XDH: variants seen among roughly 807,000 people sequenced by gnomAD.
XDH encodes the protein xanthine dehydrogenase.
In XDH, 138 loss-of-function variants were observed where a neutral mutation model predicts 156.1. The ratio of observed to expected loss-of-function variants is 0.88; its 90% CI spans 0.77 to 1.02. XDH has a LOEUF of 1.02. XDH is among the 50% of genes least tolerant of loss of function. XDH has a pLI of 0.00. For synonymous variants in XDH, 669 were observed against 625.7 expected (o/e 1.07, Z -1.03); for missense variants, 1,849 against 1,684.9 (o/e 1.10, Z -1.71).
intron 29 of XDH, among the ~76,000 whole-genome samples, chr2:31,347,072 A>G (rs1165609787): frequency 1.3e-5 from 2 of 152,158 alleles, no homozygotes; most frequent in African/African-American, 2.4e-5. Flanking sequence ...TCCTGACTCA[A>G]TTCTTAGGCT....
At chr2:31,367,911 T>C (rs1253995009) in intron 20 of XDH, 50 bp downstream of exon 20, 2 of 1,575,628 alleles carry the variant, frequency 1.3e-6, no homozygotes, top group Non-Finnish European at 1.7e-6. Flanking sequence ...TTGAATTTAA[T>C]TTGCAAACCA....
At chr2:31,406,112 G>A in intron 1 of XDH, 148 bp from the exon 2 acceptor site, 1 of 911,812 alleles carries the variant, frequency 1.1e-6, no homozygotes, top group Non-Finnish European at 1.7e-6. Flanking sequence ...TAAATCTCAT[G>A]TTTAATTGTA....
chr2:31,377,635 G>A (rs991658641), intron 13 of XDH, among the ~76,000 whole-genome samples: 1 of 152,038 alleles, frequency 6.6e-6, no homozygotes, highest in African/African-American at 2.4e-5. Flanking sequence ...GCCTCTCTGG[G>A]GACTGAGGCT....
chr2:31,359,308 T>C (rs960976224), intron 24 of XDH, among the ~76,000 whole-genome samples: 7 of 152,000 alleles, frequency 4.6e-5, no homozygotes, highest in African/African-American at 1.7e-4. Context: ...TTGGAAGGGC[T>C]GTTTGACAAA....
At chr2:31,363,897 C>A (rs1300029935) in intron 24 of XDH, among the ~76,000 whole-genome samples, 1 of 152,150 alleles carries the variant, frequency 6.6e-6, no homozygotes. Context: ...AATGCCACCA[C>A]ACTATACATA....
chr2:31,388,318 C>A (rs758691007), intron 6 of XDH, 23 bp from the exon 7 acceptor site: 16 of 1,611,858 alleles, frequency 9.9e-6, no homozygotes, highest in Non-Finnish European at 8.5e-7. Flanking sequence ...TGAACATCTG[C>A]ACAAGGGTAT....
chr2:31,387,780 C>T lies in XDH; in HGVS notation c.651+31G>A, dbSNP rs45557040. 32,943 of 1,555,924 alleles carry T rather than the reference C, an allele frequency of 0.021. 409 individuals carry two copies. The highest frequency in any genetic ancestry group is 0.024 in the Non-Finnish European group (27,684 of 1,147,328). On this transcript the variant is annotated intron_variant, in intron 8 of 35. Transcript: ENST00000379416. ...TTTCCAGGGACTCACAGTACAGACCCGGCTGGATCTGTCCCTGAGGCATCA... is the reference window on the plus strand; with the variant it reads ...TTTCCAGGGACTCACAGTACAGACCTGGCTGGATCTGTCCCTGAGGCATCA...
intron 6 of XDH, among the ~76,000 whole-genome samples, chr2:31,394,793 A>G (rs1023717075): frequency 6.6e-6 from 1 of 152,074 alleles, no homozygotes; most frequent in Non-Finnish European, 1.5e-5. Context: ...AAGCTCAGAG[A>G]TTCTTTTCTC....
chr2:31,383,792 C>A lies in XDH; in HGVS notation c.849G>T (p.Trp283Cys). Residue 283 changes from tryptophan (W) to cysteine (C), a missense_variant, in exon 10 of 36, where the codon TGG becomes TGT. Coordinates refer to ENST00000379416, the MANE Select transcript of XDH (RefSeq NM_000379.4). ...GTTCTACCGAATTCAGCTCAGGGATCCAGGCTGGGCAGACAATCATAGGAA... is the reference window on the plus strand; with the variant it reads ...GTTCTACCGAATTCAGCTCAGGGATACAGGCTGGGCAGACAATCATAGGAA... ...MLFPMIVCPA[W>C]IPELNSVEHG... 2.5e-6 allele frequency: 4 copies of A among 1,614,160 alleles called. No homozygotes were observed. Among genetic ancestry groups the A allele is most frequent in the Non-Finnish European group, 2.5e-6 (3 of 1,180,030 alleles).
chr2:31,404,256 T>G (rs1429091956), intron 2 of XDH, among the ~76,000 whole-genome samples: 3 of 152,064 alleles, frequency 2.0e-5, no homozygotes, highest in African/African-American at 7.2e-5. Context: ...TGTGTCCTAG[T>G]CAGGATATAT....
At position 31,349,875 on chromosome 2, in the gene XDH, A is replaced by G. The variant is rs1248270834; in HGVS notation, c.2824-44T>C. The G allele has an allele frequency of 3.7e-6, 6 of 1,612,498 alleles. No homozygotes were observed. In the African/African-American group the frequency reaches 6.7e-5, roughly 18 times the overall value. ...ACAGAGGCCTTGTTGGCGGCAAGAG[A>G]CTGTGGGGGCAGGGCACAACCTAAA... is the stretch of plus-strand genomic sequence containing the variant. On this transcript the variant is annotated intron_variant, in intron 25 of 35. Coordinates refer to ENST00000379416, the MANE Select transcript of XDH (RefSeq NM_000379.4).
At position 31,414,706 on chromosome 2, in the gene XDH, C is replaced by T. The variant is rs1237766413; in HGVS notation, c.-40G>A. 3.7e-6 allele frequency: 6 copies of T among 1,613,246 alleles called. No individual in the cohort carries two copies. Among genetic ancestry groups the T allele is most frequent in the Non-Finnish European group, 5.1e-6 (6 of 1,179,324 alleles). On this transcript the variant is annotated 5_prime_UTR_variant, in exon 1 of 36. Transcript: ENST00000379416. Reference sequence around the variant, plus strand: ...GTCCCCGAACTCCAGGTACCTCACTCCTAAGAGACACTGGCAGGTAGTTAT... The same window carrying T: ...GTCCCCGAACTCCAGGTACCTCACTTCTAAGAGACACTGGCAGGTAGTTAT...
intron 1 of XDH, among the ~76,000 whole-genome samples, chr2:31,409,984 C>G (rs998214774): frequency 6.6e-6 from 1 of 152,084 alleles, no homozygotes. Flanking sequence ...GTGAAAGCAA[C>G]CAAAATGTCC....
chr2:31,383,246 C>T, intron 10 of XDH, 94 bp from the exon 11 acceptor site: 1 of 1,588,138 alleles, frequency 6.3e-7, no homozygotes, highest in Non-Finnish European at 8.6e-7. Flanking sequence ...GCAACTGGAG[C>T]AAGGCTGAAT....
Position 31,350,078 on chromosome 2 carries a change from C to T in XDH, c.2777G>A (p.Cys926Tyr). Residue 926 changes from cysteine to tyrosine, a missense_variant, in exon 25 of 36, where the codon TGC becomes TAC. By Grantham distance (194) the Cys-to-Tyr change is radical. Coordinates refer to ENST00000379416, the MANE Select transcript of XDH (RefSeq NM_000379.4). Reference sequence around the variant, plus strand: ...GGTCACTGCAACTTCACTCATCCAGCACTCGGCAATGAGCATCCCCTGGGG... The same window carrying T: ...GGTCACTGCAACTTCACTCATCCAGTACTCGGCAATGAGCATCCCCTGGGG... ...GGPQGMLIAE[C>Y]WMSEVAVTCG... is the part of the protein sequence containing the mutation. 2 of 1,614,234 alleles carry T rather than the reference C, an allele frequency of 1.2e-6. No individual in the cohort carries two copies. The highest frequency in any genetic ancestry group is 1.1e-5 in the South Asian group (1 of 91,084).
At chr2:31,386,199 G>A (rs1227527752) in intron 9 of XDH, among the ~76,000 whole-genome samples, 1 of 152,194 alleles carries the variant, frequency 6.6e-6, no homozygotes, top group Non-Finnish European at 1.5e-5. Context: ...CACACATCCA[G>A]CAAGGGGCTG....
chr2:31,367,470 A>AG (rs765846809), intron 20 of XDH, among the ~76,000 whole-genome samples: 8 of 152,136 alleles, frequency 5.3e-5, no homozygotes, highest in Non-Finnish European at 1.0e-4. Context: ...AATGTAAAAA[A>AG]CAGTTCCAAA....
intron 24 of XDH, among the ~76,000 whole-genome samples, chr2:31,354,120 T>C (rs1685563953): frequency 1.3e-5 from 2 of 152,206 alleles, no homozygotes; most frequent in Admixed American, 1.3e-4. Flanking sequence ...ACGTGGAATG[T>C]AGATCTCCCA....
chr2:31,368,217 G>A (rs1323094810), intron 19 of XDH, among the ~76,000 whole-genome samples, 160 bp from the exon 20 acceptor site: 2 of 152,258 alleles, frequency 1.3e-5, no homozygotes, highest in East Asian at 3.9e-4. Context: ...CTCTACTATA[G>A]CCCAGAGAAT....
Sources: allele counts gnomAD v4.1 joint callset (sites outside exome capture counted in the v4.1 genomes callset), GRCh38; gene constraint gnomAD v4.1.1; transcripts MANE v1.5; gene names NCBI Gene and HGNC (gene_info 2026-07-23, HGNC 2026-07-21).